The following TMEM132D variants were observed in gnomAD, a reference collection of about 807,000 sequenced individuals.
The protein encoded by TMEM132D is transmembrane protein 132D, also known as mature OL transmembrane protein.
TMEM132D carries 21 observed loss-of-function variants against 62.3 expected under a neutral mutation model. That is an observed-to-expected ratio of 0.34 (90% confidence interval 0.24 to 0.49). The LOEUF (loss-of-function observed/expected upper bound fraction) is 0.49. TMEM132D is among the 20% of genes least tolerant of loss of function. The pLI, the probability that TMEM132D is intolerant of heterozygous loss-of-function variation, is 0.99. For synonymous variants in TMEM132D, 621 were observed against 575.6 expected (o/e 1.08, Z -1.13); for missense variants, 1,346 against 1,402.8 (o/e 0.96, Z 0.65).
At position 129,097,339 on chromosome 12, in the gene TMEM132D, A is replaced by G. The variant is rs573451960; in HGVS notation, c.1444-12637T>C. Among the ~76,000 whole-genome samples the G allele has an allele frequency of 3.9e-4, 59 of 152,216 alleles. 1 individual carries two copies. The highest frequency in any genetic ancestry group is 7.3e-4 in the Non-Finnish European group (50 of 68,038). The stretch of plus-strand genomic sequence containing the variant: ...TTGTAAATGTATTTGTTTAAGCCCC[A>G]TGACACAGCTTTTATGACTCTCTGT... On this transcript the variant is annotated intron_variant, in intron 5 of 8. Transcript: ENST00000422113.
chr12:129,162,631 C>T (rs1372206924), intron 5 of TMEM132D, among the ~76,000 whole-genome samples: 1 of 151,994 alleles, frequency 6.6e-6, no homozygotes, highest in African/African-American at 2.4e-5. Flanking sequence ...TGCTCTTGCT[C>T]TGAGTTCACA....
chr12:129,594,824 C>T (rs1878290657), intron 2 of TMEM132D, among the ~76,000 whole-genome samples: 1 of 152,148 alleles, frequency 6.6e-6, no homozygotes, highest in South Asian at 2.1e-4. Flanking sequence ...GTAGGGACTT[C>T]ATTAACACTT....
At chr12:129,797,314 T>C (rs751546564) in intron 1 of TMEM132D, among the ~76,000 whole-genome samples, 1 of 152,212 alleles carries the variant, frequency 6.6e-6, no homozygotes, top group Non-Finnish European at 1.5e-5. Flanking sequence ...TTTGGAATAA[T>C]TTCCCTCGTT....
chr12:129,366,946 G>A (rs1213337453), intron 3 of TMEM132D, among the ~76,000 whole-genome samples: 1 of 152,226 alleles, frequency 6.6e-6, no homozygotes, highest in African/African-American at 2.4e-5. Flanking sequence ...ACGCTTGCCT[G>A]CTCACAAAAG....
intron 1 of TMEM132D, among the ~76,000 whole-genome samples, chr12:129,710,348 G>A (rs2137235509): frequency 6.6e-6 from 1 of 151,910 alleles, no homozygotes; most frequent in East Asian, 1.9e-4. Flanking sequence ...CAGGCTGGAG[G>A]GCAATGGTGC....
chr12:129,830,077 T>C (rs141048870), intron 1 of TMEM132D, among the ~76,000 whole-genome samples: 19 of 152,276 alleles, frequency 1.2e-4, no homozygotes, highest in African/African-American at 3.9e-4. Context: ...TTAGACACAG[T>C]GCATTTGCAC....
chr12:129,369,288 G>C lies in TMEM132D; in HGVS notation c.1116-31471C>G, dbSNP rs541181127. ...GTCTTCCACGACAGAAGGTGACAAA[G>C]AGCTCACTGCCCACCTCCCTAATCG... On this transcript the variant is annotated intron_variant, in intron 3 of 8. Coordinates refer to ENST00000422113, the MANE Select transcript of TMEM132D (RefSeq NM_133448.3). 2.0e-5 allele frequency among the ~76,000 whole-genome samples: 3 copies of C among 152,186 alleles called. No individual in the cohort carries two copies. In the East Asian group the frequency reaches 5.8e-4, roughly 29 times the overall value.
intron 3 of TMEM132D, among the ~76,000 whole-genome samples, chr12:129,416,201 T>C (rs1340754786): frequency 6.6e-6 from 1 of 152,264 alleles, no homozygotes; most frequent in African/African-American, 2.4e-5. Flanking sequence ...TGGAATGTTT[T>C]TCCATTTGTT....
At chr12:129,756,946 G>C (rs140103516) in intron 1 of TMEM132D, among the ~76,000 whole-genome samples, 24 of 152,192 alleles carry the variant, frequency 1.6e-4, no homozygotes, top group African/African-American at 5.8e-4. Flanking sequence ...CCCCAGGTTT[G>C]TCTCCCTCCC....
intron 1 of TMEM132D, among the ~76,000 whole-genome samples, chr12:129,813,115 T>A (rs1257652490): frequency 4.0e-5 from 6 of 151,826 alleles, no homozygotes; most frequent in Non-Finnish European, 8.8e-5. Flanking sequence ...TTCTCCCACT[T>A]TTTCATTCAA....
chr12:129,084,827 G>A, intron 5 of TMEM132D, 125 bp from the exon 6 acceptor site: 1 of 788,014 alleles, frequency 1.3e-6, no homozygotes, highest in Non-Finnish European at 2.0e-6. Flanking sequence ...CCCTTACTAT[G>A]GGGGAGGAGG....
intron 5 of TMEM132D, among the ~76,000 whole-genome samples, chr12:129,164,191 G>A (rs1340257150): frequency 6.6e-6 from 1 of 152,184 alleles, no homozygotes; most frequent in East Asian, 1.9e-4. Flanking sequence ...CCAGCCCCAG[G>A]TTCTGTGCCC....
chr12:129,485,187 G>A (rs530248577), intron 3 of TMEM132D, among the ~76,000 whole-genome samples: 81 of 152,318 alleles, frequency 5.3e-4, no homozygotes, highest in African/African-American at 1.8e-3. Context: ...CAGGGTGCCA[G>A]GCTCAGTCCC....
chr12:129,701,250 T>C (rs1406443863), intron 1 of TMEM132D, among the ~76,000 whole-genome samples: 2 of 152,220 alleles, frequency 1.3e-5, no homozygotes, highest in Non-Finnish European at 2.9e-5. Context: ...TGGGAAATGC[T>C]AACAGACTTG....
At chr12:129,403,911 G>A (rs541366146) in intron 3 of TMEM132D, among the ~76,000 whole-genome samples, 7 of 152,174 alleles carry the variant, frequency 4.6e-5, no homozygotes, top group South Asian at 2.1e-4. Flanking sequence ...GAGGAGTGGC[G>A]AGAGCTAAGG....
chr12:129,851,543 A>G (rs577709174), intron 1 of TMEM132D, among the ~76,000 whole-genome samples: 1 of 152,338 alleles, frequency 6.6e-6, no homozygotes, highest in Non-Finnish European at 1.5e-5. Context: ...TTACTGCAGC[A>G]TGATTTGTAA....
At chr12:129,136,347 CT>C (rs1445204085) in intron 5 of TMEM132D, among the ~76,000 whole-genome samples, 9 of 152,118 alleles carry the variant, frequency 5.9e-5, no homozygotes. Flanking sequence ...GTCAGAGCTC[CT>C]TATTCACCTT....
chr12:129,144,093 C>G (rs148945080), intron 5 of TMEM132D, among the ~76,000 whole-genome samples: 1 of 152,062 alleles, frequency 6.6e-6, no homozygotes, highest in East Asian at 1.9e-4. Flanking sequence ...CATCCTCCCC[C>G]ACTTCTAGCC....
Position 129,074,290 on chromosome 12 carries a change from T to C in TMEM132D, c.2885A>G (p.His962Arg), listed in dbSNP as rs998319307. 6.2e-7 allele frequency: 1 copy of C among 1,614,146 alleles called. No homozygotes were observed. The highest frequency in any genetic ancestry group is 8.5e-7 in the Non-Finnish European group (1 of 1,180,028). ...FEEQEGMSHS[H>R]DWVGLSNRTE... ...CCGGTTGCTTAACCCAACCCAGTCA[T>C]GAGAGTGACTCATCCCTTCCTGCTC... The change falls in exon 9 of 9, where the codon CAT becomes CGT. Residue 962 changes from histidine (H) to arginine (R), a missense_variant. Coordinates refer to ENST00000422113, the MANE Select transcript of TMEM132D (RefSeq NM_133448.3).
Sources: allele counts gnomAD v4.1 joint callset (sites outside exome capture counted in the v4.1 genomes callset), GRCh38; gene constraint gnomAD v4.1.1; transcripts MANE v1.5; gene names NCBI Gene and HGNC (gene_info 2026-07-23, HGNC 2026-07-21).